The following LRRTM4 variants were observed in gnomAD, a reference collection of about 807,000 sequenced individuals.
LRRTM4 encodes the protein leucine-rich repeat transmembrane neuronal protein 4.
LRRTM4 carries 25 observed loss-of-function variants against 47.6 expected under a neutral mutation model. The ratio of observed to expected loss-of-function variants is 0.53; its 90% CI spans 0.38 to 0.73. The LOEUF (loss-of-function observed/expected upper bound fraction) is 0.73, where lower values mean the gene tolerates loss of function less well. Among genes scored for constraint, LRRTM4 ranks in the 30% least tolerant of loss-of-function variants. The pLI is 0.00. For missense variants in LRRTM4, 638 were observed against 713.4 expected (o/e 0.89, Z 1.20); for synonymous variants, 311 against 269.5 (o/e 1.15, Z -1.51).
At chr2:76,935,081 A>C (rs1369780356) in intron 3 of LRRTM4, among the ~76,000 whole-genome samples, 1 of 152,168 alleles carries the variant, frequency 6.6e-6, no homozygotes, top group Non-Finnish European at 1.5e-5. Flanking sequence ...TAATACAATC[A>C]ATGCAATGGT....
At chr2:77,457,041 T>C (rs1676586155) in intron 3 of LRRTM4, among the ~76,000 whole-genome samples, 1 of 20,840 alleles carries the variant, frequency 4.8e-5, no homozygotes, top group Non-Finnish European at 1.1e-4. Flanking sequence ...TATATATATA[T>C]ATATATATAT....
At chr2:77,336,632 A>T (rs546713605) in intron 3 of LRRTM4, among the ~76,000 whole-genome samples, 1 of 152,318 alleles carries the variant, frequency 6.6e-6, no homozygotes, top group East Asian at 1.9e-4. Context: ...TTATCTCAGT[A>T]GATGGAGAAA....
chr2:77,267,835 T>C (rs1239118762), intron 3 of LRRTM4, among the ~76,000 whole-genome samples: 1 of 140,468 alleles, frequency 7.1e-6, no homozygotes. Context: ...AAGGTCTTAG[T>C]ATGTGCTGGT....
chr2:77,505,116 C>A (rs915485208), intron 3 of LRRTM4, among the ~76,000 whole-genome samples: 15 of 150,684 alleles, frequency 1.0e-4, no homozygotes, highest in Non-Finnish European at 2.1e-4. Flanking sequence ...AATTACGAAT[C>A]AAAGTAAGCG....
intron 3 of LRRTM4, among the ~76,000 whole-genome samples, chr2:77,493,766 A>T (rs964943406): frequency 6.6e-5 from 10 of 152,228 alleles, no homozygotes; most frequent in African/African-American, 2.4e-4. Context: ...GACATCAATG[A>T]AATAAGTATC....
At chr2:77,219,228 C>T (rs1314086545) in intron 3 of LRRTM4, among the ~76,000 whole-genome samples, 2 of 152,228 alleles carry the variant, frequency 1.3e-5, no homozygotes, top group South Asian at 2.1e-4. Flanking sequence ...TTTCGGAGAC[C>T]TAATCCTGTG....
intron 3 of LRRTM4, among the ~76,000 whole-genome samples, chr2:77,193,489 C>T (rs985494935): frequency 6.6e-6 from 1 of 151,294 alleles, no homozygotes; most frequent in Non-Finnish European, 1.5e-5. Context: ...AATTGATATG[C>T]CTTGCTCTTT....
intron 3 of LRRTM4, among the ~76,000 whole-genome samples, chr2:76,998,128 A>C (rs1434354735): frequency 6.6e-6 from 1 of 152,118 alleles, no homozygotes; most frequent in Admixed American, 6.6e-5. Flanking sequence ...GAATCATCCT[A>C]AAACCATCCC....
chr2:76,935,225 A>G (rs914300732), intron 3 of LRRTM4, among the ~76,000 whole-genome samples: 3 of 152,128 alleles, frequency 2.0e-5, no homozygotes, highest in Non-Finnish European at 2.9e-5. Context: ...CAAATTGTAT[A>G]TTATATATGC....
chr2:77,224,986 T>G (rs901435249), intron 3 of LRRTM4, among the ~76,000 whole-genome samples: 1 of 150,142 alleles, frequency 6.7e-6, no homozygotes, highest in African/African-American at 2.5e-5. Flanking sequence ...AATGATAGAC[T>G]GGATTAAGAA....
chr2:77,201,298 A>G (rs981143675), intron 3 of LRRTM4, among the ~76,000 whole-genome samples: 7 of 152,228 alleles, frequency 4.6e-5, no homozygotes, highest in African/African-American at 1.4e-4. Flanking sequence ...AATGGGAGTA[A>G]TGTACTATAG....
chr2:77,228,429 G>T (rs1419254361), intron 3 of LRRTM4, among the ~76,000 whole-genome samples: 1 of 152,086 alleles, frequency 6.6e-6, no homozygotes, highest in Non-Finnish European at 1.5e-5. Context: ...GAAGTCCCAT[G>T]AAAATTACAT....
At chr2:77,001,418 C>T (rs1383874402) in intron 3 of LRRTM4, among the ~76,000 whole-genome samples, 1 of 152,132 alleles carries the variant, frequency 6.6e-6, no homozygotes, top group Non-Finnish European at 1.5e-5. Flanking sequence ...CTCAACAAGC[C>T]AACCATATCA....
At chr2:77,139,511 A>C (rs995014932) in intron 3 of LRRTM4, among the ~76,000 whole-genome samples, 31 of 152,202 alleles carry the variant, frequency 2.0e-4, no homozygotes, top group Non-Finnish European at 4.4e-5. Flanking sequence ...ACAAACCCAC[A>C]GCCAATATCA....
intron 3 of LRRTM4, among the ~76,000 whole-genome samples, chr2:77,086,218 G>C (rs1469178509): frequency 1.3e-5 from 2 of 152,098 alleles, no homozygotes; most frequent in Non-Finnish European, 2.9e-5. Context: ...CAAGGAAGTA[G>C]AAACTGTTAT....
At chr2:76,834,991 A>G (rs1208561762) in intron 3 of LRRTM4, among the ~76,000 whole-genome samples, 1 of 152,150 alleles carries the variant, frequency 6.6e-6, no homozygotes, top group Non-Finnish European at 1.5e-5. Context: ...TCCAAGATAC[A>G]TTCCATCAAG....
chr2:77,502,350 A>G (rs1369977950), intron 3 of LRRTM4, among the ~76,000 whole-genome samples: 2 of 151,614 alleles, frequency 1.3e-5, no homozygotes. Flanking sequence ...ATAAAATGGC[A>G]TATTAATGAA....
chr2:76,844,515 C>G (rs1671782296), intron 3 of LRRTM4, among the ~76,000 whole-genome samples: 1 of 152,122 alleles, frequency 6.6e-6, no homozygotes, highest in African/African-American at 2.4e-5. Context: ...TTCTGTTTTT[C>G]AATTTCCATA....
intron 3 of LRRTM4, among the ~76,000 whole-genome samples, chr2:76,977,451 AT>A (rs1676459089): frequency 6.6e-6 from 1 of 151,934 alleles, no homozygotes; most frequent in East Asian, 1.9e-4. Flanking sequence ...ACTCTGAAAA[AT>A]TACAAATGTT....
Sources: allele counts gnomAD v4.1 joint callset (sites outside exome capture counted in the v4.1 genomes callset), GRCh38; gene constraint gnomAD v4.1.1; transcripts MANE v1.5; gene names NCBI Gene and HGNC (gene_info 2026-07-23, HGNC 2026-07-21).